Variants in SEMA5A observed in about 807,000 individuals in gnomAD.
SEMA5A encodes the protein semaphorin-5A.
Under a neutral mutation model 135.5 loss-of-function variants are expected in SEMA5A, and 55 were observed. The observed-to-expected ratio is 0.41, with a 90% CI of 0.33 to 0.51. The LOEUF (loss-of-function observed/expected upper bound fraction) is 0.51, where lower values mean the gene tolerates loss of function less well. SEMA5A is among the 20% of genes least tolerant of loss of function. SEMA5A has a pLI of 0.37. For missense variants in SEMA5A, 1,290 were observed against 1,419.9 expected, an observed-to-expected ratio of 0.91 and a Z score of 1.47; for synonymous variants, 580 against 546.5, an observed-to-expected ratio of 1.06 and a Z score of -0.85.
intron 1 of SEMA5A, among the ~76,000 whole-genome samples, chr5:9,451,851 A>C (rs1758656297): frequency 6.6e-6 from 1 of 152,180 alleles, no homozygotes; most frequent in South Asian, 2.1e-4. Context: ...TGAGGATGGC[A>C]GACAGTAACT....
At chr5:9,392,861 G>A (rs1756226347) in intron 2 of SEMA5A, among the ~76,000 whole-genome samples, 1 of 152,182 alleles carries the variant, frequency 6.6e-6, no homozygotes, top group Non-Finnish European at 1.5e-5. Flanking sequence ...TAAAGGCAAT[G>A]AATCATCCAC....
intron 16 of SEMA5A, among the ~76,000 whole-genome samples, chr5:9,094,532 A>G (rs1028037521): frequency 3.9e-5 from 6 of 152,370 alleles, no homozygotes; most frequent in Admixed American, 2.6e-4. Context: ...AGGCTCCTCT[A>G]AATGTCTGGA....
At chr5:9,353,583 A>T (rs1754311606) in intron 3 of SEMA5A, among the ~76,000 whole-genome samples, 2 of 152,158 alleles carry the variant, frequency 1.3e-5, no homozygotes, top group Admixed American at 1.3e-4. Context: ...ACCAGATATC[A>T]TATATCTGGT....
chr5:9,156,204 T>G (rs1742946734), intron 11 of SEMA5A, among the ~76,000 whole-genome samples: 1 of 152,162 alleles, frequency 6.6e-6, no homozygotes, highest in Non-Finnish European at 1.5e-5. Context: ...AAGAAAAAAT[T>G]TATGTCTTAA....
intron 15 of SEMA5A, among the ~76,000 whole-genome samples, chr5:9,114,465 T>TTG (rs1553987024): frequency 1.5e-4 from 23 of 151,502 alleles, no homozygotes; most frequent in South Asian, 2.1e-4. Flanking sequence ...TATGTTTTTT[T>TTG]TGTGTGTGTG....
At chr5:9,284,267 C>A (rs974098370) in intron 5 of SEMA5A, among the ~76,000 whole-genome samples, 1 of 152,130 alleles carries the variant, frequency 6.6e-6, no homozygotes, top group Non-Finnish European at 1.5e-5. Flanking sequence ...CAAATGAAAG[C>A]ATATCATAAT....
At chr5:9,266,598 C>T (rs1749694751) in intron 5 of SEMA5A, among the ~76,000 whole-genome samples, 1 of 152,178 alleles carries the variant, frequency 6.6e-6, no homozygotes, top group Non-Finnish European at 1.5e-5. Flanking sequence ...TAAGCAACTT[C>T]TTCTCACCCT....
intron 16 of SEMA5A, among the ~76,000 whole-genome samples, chr5:9,078,976 G>C (rs895849981): frequency 6.6e-6 from 1 of 151,674 alleles, no homozygotes; most frequent in African/African-American, 2.4e-5. Context: ...TTTAAGTTTT[G>C]AGCTTTTGAG....
intron 11 of SEMA5A, among the ~76,000 whole-genome samples, chr5:9,181,392 C>T (rs1452655451): frequency 6.6e-6 from 1 of 152,206 alleles, no homozygotes; most frequent in Non-Finnish European, 1.5e-5. Context: ...TAATACCCTT[C>T]AAAAGCACTA....
At chr5:9,537,701 A>G (rs1737845062) in intron 1 of SEMA5A, among the ~76,000 whole-genome samples, 1 of 152,224 alleles carries the variant, frequency 6.6e-6, no homozygotes, top group African/African-American at 2.4e-5. Context: ...CCCTGGCAAA[A>G]GGTCAATAAA....
At chr5:9,537,858 T>C (rs1737852406) in intron 1 of SEMA5A, among the ~76,000 whole-genome samples, 1 of 152,122 alleles carries the variant, frequency 6.6e-6, no homozygotes, top group South Asian at 2.1e-4. Context: ...AGTGGAGAAA[T>C]GCATATGAGT....
At chr5:9,159,142 C>T (rs1158209471) in intron 11 of SEMA5A, among the ~76,000 whole-genome samples, 1 of 152,164 alleles carries the variant, frequency 6.6e-6, no homozygotes, top group Non-Finnish European at 1.5e-5. Context: ...TATGTAGCAA[C>T]ATATTCCTAC....
intron 6 of SEMA5A, among the ~76,000 whole-genome samples, chr5:9,229,659 G>C (rs1416396565): frequency 1.3e-5 from 2 of 150,992 alleles, no homozygotes; most frequent in African/African-American, 2.4e-5. Flanking sequence ...GTGAGGTTTT[G>C]TTTGTTTTTT....
chr5:9,499,573 G>A (rs551098656), intron 1 of SEMA5A, among the ~76,000 whole-genome samples: 2 of 152,142 alleles, frequency 1.3e-5, no homozygotes, highest in Admixed American at 6.6e-5. Context: ...TACATAGAGA[G>A]TACACTCTAT....
intron 1 of SEMA5A, among the ~76,000 whole-genome samples, chr5:9,494,645 T>C (rs1735211479): frequency 6.9e-6 from 1 of 145,484 alleles, no homozygotes; most frequent in Admixed American, 6.9e-5. Context: ...TACAGCACTT[T>C]AGAATTTCCA....
Position 9,221,828 on chromosome 5 carries a change from G to A in SEMA5A, c.646+2846C>T, listed in dbSNP as rs143364498. The stretch of plus-strand genomic sequence containing the variant: ...AACCTAACATTTCTCTGTAAAGTAG[G>A]AGGAAAGATAAACCCATTGAGAATC... On this transcript the variant is annotated intron_variant, in intron 8 of 22. Transcript: ENST00000382496. Among the ~76,000 whole-genome samples the A allele has an allele frequency of 7.0e-3, 1,064 of 152,282 alleles. 6 individuals are homozygous for A. The highest frequency in any genetic ancestry group is 9.5e-3 in the Non-Finnish European group (646 of 68,022).
intron 5 of SEMA5A, among the ~76,000 whole-genome samples, chr5:9,313,139 A>C (rs907543812): frequency 6.6e-6 from 1 of 152,204 alleles, no homozygotes; most frequent in African/African-American, 2.4e-5. Context: ...AAGTAGGAAA[A>C]AAGAAGAATC....
At chr5:9,170,744 C>T (rs1359635721) in intron 11 of SEMA5A, among the ~76,000 whole-genome samples, 3 of 152,154 alleles carry the variant, frequency 2.0e-5, no homozygotes, top group African/African-American at 4.8e-5. Flanking sequence ...TTTCATCCCC[C>T]AGCACTATGA....
chr5:9,318,890 T>C (rs575824714), intron 4 of SEMA5A, among the ~76,000 whole-genome samples: 10 of 152,316 alleles, frequency 6.6e-5, no homozygotes, highest in African/African-American at 1.9e-4. Flanking sequence ...ATTCAGTACG[T>C]AATAAACGTT....
Sources: allele counts gnomAD v4.1 joint callset (sites outside exome capture counted in the v4.1 genomes callset), GRCh38; gene constraint gnomAD v4.1.1; transcripts MANE v1.5; gene names NCBI Gene and HGNC (gene_info 2026-07-23, HGNC 2026-07-21).